The following BCL2L13 variants were observed in gnomAD, a reference collection of about 807,000 sequenced individuals.
BCL2L13 encodes BCL2 like 13, also known as bcl-2-like protein 13.
BCL2L13 carries 13 observed loss-of-function variants against 25.8 expected under a neutral mutation model. The observed-to-expected ratio is 0.50, with a 90% CI of 0.33 to 0.80. The LOEUF (loss-of-function observed/expected upper bound fraction) is 0.80. BCL2L13 is among the 30% of genes least tolerant of loss of function. BCL2L13 has a pLI of 0.02. For synonymous variants in BCL2L13, 244 were observed against 230.3 expected, an observed-to-expected ratio of 1.06 and a Z score of -0.54; for missense variants, 504 against 574.9, an observed-to-expected ratio of 0.88 and a Z score of 1.26.
intron 4 of BCL2L13, among the ~76,000 whole-genome samples, chr22:17,692,824 AT>A (rs1410642595): frequency 6.6e-6 from 1 of 152,250 alleles, no homozygotes; most frequent in African/African-American, 2.4e-5. Flanking sequence ...CAAGTAAAAA[AT>A]AAAATGAAAT....
At chr22:17,650,488 C>T (rs1267823763) in intron 1 of BCL2L13, among the ~76,000 whole-genome samples, 3 of 151,980 alleles carry the variant, frequency 2.0e-5, no homozygotes, top group East Asian at 1.9e-4. Flanking sequence ...GTGGCATTGG[C>T]GGTGGGAGGC....
chr22:17,650,764 G>A (rs1935491070), intron 1 of BCL2L13, among the ~76,000 whole-genome samples: 1 of 151,874 alleles, frequency 6.6e-6, no homozygotes, highest in Non-Finnish European at 1.5e-5. Context: ...CTGGAGTGCA[G>A]TGGTGCAGTC....
intron 5 of BCL2L13, 115 bp downstream of exon 5, chr22:17,696,325 A>C: frequency 1.1e-6 from 1 of 875,992 alleles, no homozygotes; most frequent in South Asian, 1.4e-5. Flanking sequence ...TTTAATGCAC[A>C]AATCTATGTT....
chr22:17,697,414 G>A (rs1457409409), intron 5 of BCL2L13, among the ~76,000 whole-genome samples: 2 of 152,030 alleles, frequency 1.3e-5, no homozygotes, highest in African/African-American at 4.8e-5. Context: ...TTCCAGCCTA[G>A]GCAACAAAAG....
intron 5 of BCL2L13, among the ~76,000 whole-genome samples, chr22:17,700,108 A>G (rs1025148047): frequency 1.3e-5 from 2 of 152,162 alleles, no homozygotes; most frequent in African/African-American, 4.8e-5. Context: ...GTCCTGAAAA[A>G]TGACATTTCT....
At chr22:17,658,970 A>AT (rs1304202847) in intron 2 of BCL2L13, among the ~76,000 whole-genome samples, 3 of 139,878 alleles carry the variant, frequency 2.1e-5, no homozygotes, top group Non-Finnish European at 3.2e-5. Context: ...GAGGCAGAGA[A>AT]TTGCTTGAAC....
intron 6 of BCL2L13, among the ~76,000 whole-genome samples, chr22:17,710,441 A>G (rs2060718651): frequency 6.6e-6 from 1 of 151,642 alleles, no homozygotes; most frequent in African/African-American, 2.4e-5. Context: ...TTCTCCGGGC[A>G]TGGTGGCGCA....
intron 1 of BCL2L13, 28 bp downstream of exon 1, chr22:17,638,914 T>A (rs2058163421): frequency 8.1e-7 from 1 of 1,230,786 alleles, no homozygotes; most frequent in Non-Finnish European, 1.0e-6. Flanking sequence ...CCGGGAAGGC[T>A]GAGCTGGGTG....
intron 5 of BCL2L13, 53 bp from the exon 6 acceptor site, chr22:17,702,190 C>A: frequency 3.6e-6 from 5 of 1,398,128 alleles, no homozygotes; most frequent in Non-Finnish European, 4.9e-6. Context: ...ACATATAAAA[C>A]ACATTATAAG....
At chr22:17,695,478 T>C (rs1193171245) in intron 4 of BCL2L13, among the ~76,000 whole-genome samples, 1 of 152,092 alleles carries the variant, frequency 6.6e-6, no homozygotes, top group Non-Finnish European at 1.5e-5. Flanking sequence ...CACACCATCA[T>C]GCCTGGCTAA....
chr22:17,717,423 C>T (rs1049361934), intron 6 of BCL2L13, among the ~76,000 whole-genome samples: 5 of 146,528 alleles, frequency 3.4e-5, no homozygotes, highest in Non-Finnish European at 7.5e-5. Context: ...GTGAATCTCT[C>T]ATGTTCCCAG....
intron 2 of BCL2L13, among the ~76,000 whole-genome samples, chr22:17,665,338 G>A (rs2059202027): frequency 6.6e-6 from 1 of 152,126 alleles, no homozygotes; most frequent in South Asian, 2.1e-4. Context: ...CCATATCACT[G>A]TCAGCATTTT....
At chr22:17,655,206 A>G (rs1032749474) in intron 1 of BCL2L13, among the ~76,000 whole-genome samples, 1 of 151,966 alleles carries the variant, frequency 6.6e-6, no homozygotes, top group Non-Finnish European at 1.5e-5. Context: ...GACAGTCTTC[A>G]GAGGCAGTAA....
intron 2 of BCL2L13, among the ~76,000 whole-genome samples, chr22:17,670,301 CAG>C (rs2059375427): frequency 2.0e-5 from 3 of 151,244 alleles, no homozygotes; most frequent in African/African-American, 4.9e-5. Context: ...CTGGAAAAAA[CAG>C]AGTTGGAATT....
intron 4 of BCL2L13, among the ~76,000 whole-genome samples, chr22:17,693,020 A>G (rs563723312): frequency 6.6e-6 from 1 of 152,162 alleles, no homozygotes; most frequent in African/African-American, 2.4e-5. Context: ...ACATCGAGAC[A>G]TTGTCATGGC....
chr22:17,635,841 C>T (rs1317709415), upstream of BCL2L13, among the ~76,000 whole-genome samples: 1 of 151,074 alleles, frequency 6.6e-6, no homozygotes, highest in Non-Finnish European at 1.5e-5. Context: ...TCCCCAGTAG[C>T]TGGGACTGAA....
At chr22:17,688,646 A>G (rs192309220) in intron 3 of BCL2L13, among the ~76,000 whole-genome samples, 1 of 152,336 alleles carries the variant, frequency 6.6e-6, no homozygotes, top group East Asian at 1.9e-4. Flanking sequence ...TTTACGTGCC[A>G]ACAAAGATTA....
At position 17,648,044 on chromosome 22, in the gene BCL2L13, C is replaced by T. The variant is rs539459003; in HGVS notation, c.-50-7618C>T. ...GCTTGGGAGGCTGAGGTAGGAGAAT[C>T]GCTTGAACCCAGGAGGCGAAGGTTG... is the stretch of plus-strand genomic sequence containing the variant. On this transcript the variant is annotated intron_variant, in intron 1 of 6. Transcript: ENST00000317582. 4.6e-5 allele frequency among the ~76,000 whole-genome samples: 7 copies of T among 151,862 alleles called. No homozygotes were observed. In the East Asian group the frequency reaches 1.4e-3, roughly 30 times the overall value.
At chr22:17,706,754 C>A (rs1366697694) in intron 6 of BCL2L13, 1 of 1,351,922 alleles carries the variant, frequency 7.4e-7, no homozygotes, top group African/African-American at 1.5e-5. Context: ...ATTCTCTTTT[C>A]ATTTCCTGGG....
Sources: gnomAD v4.1 joint callset for allele counts (sites outside exome capture counted in the v4.1 genomes callset) on GRCh38, gnomAD v4.1.1 for gene constraint, MANE v1.5 for transcripts, NCBI Gene and HGNC (gene_info 2026-07-23, HGNC 2026-07-21) for gene names.